Variants in CCSER1 observed in about 807,000 individuals in gnomAD.
CCSER1 encodes coiled-coil serine rich protein 1.
CCSER1 carries 41 observed loss-of-function variants against 82.0 expected under a neutral mutation model. The observed-to-expected ratio is 0.50, with a 90% CI of 0.39 to 0.65. The LOEUF (loss-of-function observed/expected upper bound fraction) is 0.65. Among genes scored for constraint, CCSER1 ranks in the 30% least tolerant of loss-of-function variants. CCSER1 has a pLI of 0.00. For missense variants in CCSER1, 1,119 were observed against 1,064.2 expected (o/e 1.05, Z -0.72); for synonymous variants, 414 against 383.9 (o/e 1.08, Z -0.92).
intron 4 of CCSER1, among the ~76,000 whole-genome samples, chr4:90,403,143 G>C (rs142751237): frequency 6.6e-6 from 1 of 152,174 alleles, no homozygotes; most frequent in Non-Finnish European, 1.5e-5. Flanking sequence ...AGCTGAGAAA[G>C]AATTATTTCC....
intron 10 of CCSER1, among the ~76,000 whole-genome samples, chr4:91,444,982 A>AG (rs1215572419): frequency 6.6e-6 from 1 of 152,324 alleles, no homozygotes; most frequent in East Asian, 1.9e-4. Flanking sequence ...CTGCTATTAC[A>AG]GGAAAGAGAG....
rs115711227 is a variant in CCSER1 at position 90,660,996 on chromosome 4, A to T, written c.1932+32764A>T. The stretch of plus-strand genomic sequence containing the variant: ...AGGTAAAAGGTGTTATTGTTGCTAT[A>T]GTTTCCTGGAATAAATAACTGCTGT... On this transcript the variant is annotated intron_variant, in intron 6 of 10. Coordinates refer to ENST00000509176, the MANE Select transcript of CCSER1 (RefSeq NM_001145065.2). Among the ~76,000 whole-genome samples, 650 of 152,292 alleles carry T rather than the reference A, an allele frequency of 4.3e-3. 8 individuals carry two copies. Among genetic ancestry groups the T allele is most frequent in the African/African-American group, 0.015 (633 of 41,578 alleles).
At chr4:90,650,599 C>T (rs1004066501) in intron 6 of CCSER1, among the ~76,000 whole-genome samples, 1 of 152,174 alleles carries the variant, frequency 6.6e-6, no homozygotes, top group Non-Finnish European at 1.5e-5. Context: ...CTAATATCTA[C>T]TCTTTAATAT....
chr4:91,301,755 TC>T lies in CCSER1; in HGVS notation c.2217+215762del, dbSNP rs528294690. ...TTAAAACAAAGCACCAAGGTTTAGA[TC>T]GTAGCACATCCACCACCACAACAAA... On this transcript the variant is annotated intron_variant, in intron 10 of 10. Transcript: ENST00000509176. Among the ~76,000 whole-genome samples, 73 of 151,916 alleles carry T rather than the reference TC, an allele frequency of 4.8e-4. No homozygotes were observed. The Middle Eastern group carries it at 0.01, about 21-fold the overall frequency.
intron 7 of CCSER1, among the ~76,000 whole-genome samples, chr4:90,724,846 A>G (rs1743344883): frequency 6.6e-6 from 1 of 151,956 alleles, no homozygotes; most frequent in African/African-American, 2.4e-5. Flanking sequence ...TAAGGAATGT[A>G]TCTTATTCAA....
intron 10 of CCSER1, among the ~76,000 whole-genome samples, chr4:91,374,513 T>C (rs949603510): frequency 1.8e-4 from 27 of 152,240 alleles, no homozygotes; most frequent in African/African-American, 6.0e-4. Flanking sequence ...AAGCCCATTG[T>C]TGAGACCTAG....
At chr4:91,491,279 C>CT in intron 10 of CCSER1, among the ~76,000 whole-genome samples, 1 of 152,042 alleles carries the variant, frequency 6.6e-6, no homozygotes, top group East Asian at 1.9e-4. Context: ...TGTGCCCTCT[C>CT]CATCGCCTAT....
At chr4:90,375,411 G>A (rs928831808) in intron 3 of CCSER1, among the ~76,000 whole-genome samples, 2 of 152,146 alleles carry the variant, frequency 1.3e-5, no homozygotes, top group African/African-American at 4.8e-5. Flanking sequence ...CATGGGTTTT[G>A]TGTTAGTAGA....
intron 1 of CCSER1, among the ~76,000 whole-genome samples, chr4:90,160,274 A>G (rs1729188117): frequency 1.3e-5 from 2 of 152,254 alleles, no homozygotes; most frequent in Admixed American, 1.3e-4. Context: ...TCTGGAGGTC[A>G]GGGCTAAACT....
chr4:90,344,406 A>G (rs1175906201), intron 3 of CCSER1, among the ~76,000 whole-genome samples: 2 of 152,092 alleles, frequency 1.3e-5, no homozygotes, highest in Non-Finnish European at 2.9e-5. Context: ...TATCACACTT[A>G]CTTGAATCTG....
chr4:90,895,284 G>C (rs1159307644), intron 8 of CCSER1, among the ~76,000 whole-genome samples: 1 of 151,778 alleles, frequency 6.6e-6, no homozygotes, highest in Non-Finnish European at 1.5e-5. Flanking sequence ...GGTCCTCTTG[G>C]AGAAAATTAG....
intron 8 of CCSER1, among the ~76,000 whole-genome samples, chr4:90,829,658 A>T (rs1168059165): frequency 6.6e-6 from 1 of 152,164 alleles, no homozygotes; most frequent in African/African-American, 2.4e-5. Flanking sequence ...TTCTTTAAAA[A>T]GTCTTTAGAA....
intron 9 of CCSER1, among the ~76,000 whole-genome samples, chr4:91,022,637 G>T (rs1267245530): frequency 6.6e-6 from 1 of 152,148 alleles, no homozygotes; most frequent in Non-Finnish European, 1.5e-5. Flanking sequence ...CAGCGTAAAA[G>T]TGTTCTTATT....
At chr4:90,932,393 T>C (rs1032695907) in intron 9 of CCSER1, among the ~76,000 whole-genome samples, 1 of 152,186 alleles carries the variant, frequency 6.6e-6, no homozygotes, top group African/African-American at 2.4e-5. Flanking sequence ...AGAGTAACTT[T>C]CTGAGAGAAA....
chr4:91,577,643 G>A (rs111505166), intron 10 of CCSER1, among the ~76,000 whole-genome samples: 146 of 152,022 alleles, frequency 9.6e-4, no homozygotes, highest in African/African-American at 3.3e-3. Context: ...GTAATCTGAT[G>A]TAACACTCCG....
intron 6 of CCSER1, among the ~76,000 whole-genome samples, chr4:90,718,251 C>G (rs1742005147): frequency 6.6e-6 from 1 of 151,718 alleles, no homozygotes; most frequent in African/African-American, 2.4e-5. Flanking sequence ...TAGAATTTAC[C>G]CTAATGGCTT....
chr4:90,169,504 C>T (rs1423744873), intron 1 of CCSER1, among the ~76,000 whole-genome samples: 3 of 152,056 alleles, frequency 2.0e-5, no homozygotes, highest in Non-Finnish European at 4.4e-5. Context: ...CCAGAACTTC[C>T]AACACTATGT....
At chr4:91,025,354 T>G (rs1239826967) in intron 9 of CCSER1, among the ~76,000 whole-genome samples, 2 of 152,210 alleles carry the variant, frequency 1.3e-5, no homozygotes, top group African/African-American at 4.8e-5. Flanking sequence ...AGGGACTATC[T>G]TATATATTCT....
intron 10 of CCSER1, among the ~76,000 whole-genome samples, chr4:91,440,202 C>A (rs13150341): frequency 0.53 from 80,498 of 151,864 alleles, 21,780 homozygotes; most frequent in East Asian, 0.81. Context: ...CAAAATAGAC[C>A]ACATAGTTGG....
Sources: gnomAD v4.1 joint callset for allele counts (sites outside exome capture counted in the v4.1 genomes callset) on GRCh38, gnomAD v4.1.1 for gene constraint, MANE v1.5 for transcripts, NCBI Gene and HGNC (gene_info 2026-07-23, HGNC 2026-07-21) for gene names.